XXYLT1: variants seen among roughly 807,000 people sequenced by gnomAD.
XXYLT1 encodes UDP-xylose:alpha-xyloside alpha-1,3-xylosyltransferase.
Under a neutral mutation model 28.9 loss-of-function variants are expected in XXYLT1, and 20 were observed. The observed-to-expected ratio is 0.69, with a 90% CI of 0.49 to 1.00. The LOEUF is 1.00. Among genes scored for constraint, XXYLT1 ranks in the 50% least tolerant of loss-of-function variants. XXYLT1 has a pLI of 0.00. For missense variants in XXYLT1, 542 were observed against 560.1 expected (o/e 0.97, Z 0.33); for synonymous variants, 257 against 253.8 (o/e 1.01, Z -0.12).
Position 195,168,157 on chromosome 3 carries a change from G to A in XXYLT1, c.653-11576C>T, listed in dbSNP as rs1423505528. Among the ~76,000 whole-genome samples, 7 of 152,212 alleles carry A rather than the reference G, an allele frequency of 4.6e-5. No homozygotes were observed. The highest frequency in any genetic ancestry group is 7.3e-5 in the Non-Finnish European group (5 of 68,030). On this transcript the variant is annotated intron_variant, in intron 2 of 3. Transcript: ENST00000310380. This position sits in a 1 kb window ranked among gnomAD's most constrained non-coding sequence, Gnocchi z 4.3. ...GCTATGGCACTGCGTCCAACCATGGGCAAGCCATCCCCAGCTGTCGCAGAC... is the reference window on the plus strand; with the variant it reads ...GCTATGGCACTGCGTCCAACCATGGACAAGCCATCCCCAGCTGTCGCAGAC...
chr3:195,192,301 A>T (rs57827131), intron 2 of XXYLT1, among the ~76,000 whole-genome samples: 14,142 of 151,964 alleles, frequency 0.093, 2,198 homozygotes, highest in African/African-American at 0.32. Flanking sequence ...GGCATGCACC[A>T]GTAGTCCCAG....
At chr3:195,190,646 C>T (rs1722384036) in intron 2 of XXYLT1, among the ~76,000 whole-genome samples, 2 of 151,680 alleles carry the variant, frequency 1.3e-5, no homozygotes, top group South Asian at 4.1e-4. Flanking sequence ...ATATTTTTCT[C>T]ATTTCTTAAC....
At chr3:195,236,939 A>C (rs764985599) in intron 1 of XXYLT1, among the ~76,000 whole-genome samples, 57 of 152,196 alleles carry the variant, frequency 3.7e-4, no homozygotes, top group South Asian at 1.2e-3. Flanking sequence ...CTGGTGCCTT[A>C]TCCTACCGTG....
At chr3:195,198,712 A>G (rs1009971365) in intron 2 of XXYLT1, among the ~76,000 whole-genome samples, 4 of 152,172 alleles carry the variant, frequency 2.6e-5, no homozygotes, top group African/African-American at 9.7e-5. Context: ...ATTATGCAAC[A>G]CACAACAAAA....
chr3:195,075,500 G>A (rs908663030), intron 3 of XXYLT1, among the ~76,000 whole-genome samples: 2 of 152,232 alleles, frequency 1.3e-5, no homozygotes, highest in Admixed American at 6.5e-5. Context: ...GCCCAGAAAA[G>A]GGAACTGCTG....
rs539908035 is a variant in XXYLT1 at position 195,254,716 on chromosome 3, C to T, written c.504+15839G>A. On this transcript the variant is annotated intron_variant, in intron 1 of 3. Coordinates refer to ENST00000310380, the MANE Select transcript of XXYLT1 (RefSeq NM_152531.5). ...CTGGGCACAGCCACCAAGGGTGGGA[C>T]ACAGACCTGCAGGGCCTTCACGGGG... is the stretch of plus-strand genomic sequence containing the variant. 7.9e-5 allele frequency among the ~76,000 whole-genome samples: 12 copies of T among 152,336 alleles called. No individual in the cohort carries two copies. The South Asian group carries it at 2.5e-3, about 32-fold the overall frequency.
chr3:195,237,298 C>G (rs1336243293), intron 1 of XXYLT1, among the ~76,000 whole-genome samples: 2 of 152,154 alleles, frequency 1.3e-5, no homozygotes, highest in East Asian at 1.9e-4. Flanking sequence ...GGTCTAAATG[C>G]TCCCTCCGTG....
rs749373375 is a variant in XXYLT1 at position 195,256,544 on chromosome 3, A to C, written c.504+14011T>G. 1.8e-5 allele frequency: 18 copies of C among 985,398 alleles called. No homozygotes were observed. The highest frequency in any genetic ancestry group is 2.2e-5 in the Non-Finnish European group (18 of 829,914). 61.0% of individuals were successfully genotyped at this position (985,398 alleles called of 1,614,324 possible). A position where few individuals can be genotyped will look rare whatever the true frequency, so the allele number is the denominator to read the frequency against. ...GGGATTATCCCAGAAAGAGGGGAAG[A>C]GCAGCCTCCTCACACCCCGCAACTT... On this transcript the variant is annotated intron_variant, in intron 1 of 3. Coordinates refer to ENST00000310380, the MANE Select transcript of XXYLT1 (RefSeq NM_152531.5). This position sits in a 1 kb window ranked among gnomAD's most constrained non-coding sequence, Gnocchi z 4.2.
intron 2 of XXYLT1, chr3:195,184,801 G>A: frequency 2.0e-6 from 2 of 985,282 alleles, no homozygotes; most frequent in Non-Finnish European, 2.4e-6. Flanking sequence ...CTTCAATTAG[G>A]AAAAAAATCT....
intron 3 of XXYLT1, among the ~76,000 whole-genome samples, chr3:195,131,350 C>A (rs1718901315): frequency 6.6e-6 from 1 of 152,242 alleles, no homozygotes; most frequent in African/African-American, 2.4e-5. Context: ...AGTCCTAGCT[C>A]CACATTCATC....
intron 1 of XXYLT1, among the ~76,000 whole-genome samples, chr3:195,250,966 C>T (rs1401066197): frequency 6.6e-6 from 1 of 152,248 alleles, no homozygotes; most frequent in Non-Finnish European, 1.5e-5. Context: ...CTCAAAGCAG[C>T]ACTCGTTTGC....
chr3:195,089,623 G>A (rs1159044372), intron 3 of XXYLT1, among the ~76,000 whole-genome samples: 1 of 151,706 alleles, frequency 6.6e-6, no homozygotes, highest in Non-Finnish European at 1.5e-5. Context: ...ATCAACTAAC[G>A]AGCACAATAA....
rs528407603 is a variant in XXYLT1, at chr3:195,259,785, G to A, written c.504+10770C>T. 210 of 550,746 alleles carry A rather than the reference G, an allele frequency of 3.8e-4. 1 individual carries two copies. Among genetic ancestry groups the A allele is most frequent in the Middle Eastern group, 1.8e-3 (2 of 1,098 alleles). The allele number at this position is 550,746 out of a possible 1,614,324, so 34.1% of individuals were successfully genotyped here. A position where few individuals can be genotyped will look rare whatever the true frequency, so the allele number is the denominator to read the frequency against. ...CCCACCGGCGCCAGGATACCGAGGGGCCACCCCCACCACGCGGCTCCAACA... is the reference window on the plus strand; with the variant it reads ...CCCACCGGCGCCAGGATACCGAGGGACCACCCCCACCACGCGGCTCCAACA... On this transcript the variant is annotated intron_variant, in intron 1 of 3. Transcript: ENST00000310380.
At chr3:195,149,250 G>T (rs756049316) in intron 3 of XXYLT1, among the ~76,000 whole-genome samples, 9 of 151,998 alleles carry the variant, frequency 5.9e-5, no homozygotes, top group Non-Finnish European at 1.2e-4. Flanking sequence ...GAAAATTTCT[G>T]GAAAAATAAT....
rs1318114768 is a variant in XXYLT1, at chr3:195,219,624, T to C, written c.652+7085A>G. On this transcript the variant is annotated intron_variant, in intron 2 of 3. Transcript: ENST00000310380. The stretch of plus-strand genomic sequence containing the variant: ...TCTTTCTCATGCAGGCCTGTGAACC[T>C]AGGCTAAGAAGCATCCAGTGTCAAC... 2.6e-5 allele frequency among the ~76,000 whole-genome samples: 4 copies of C among 152,196 alleles called. No individual in the cohort carries two copies. In the East Asian group the frequency reaches 7.7e-4, roughly 29 times the overall value.
intron 1 of XXYLT1, among the ~76,000 whole-genome samples, chr3:195,268,581 A>T (rs1178714394): frequency 6.9e-6 from 1 of 145,354 alleles, no homozygotes; most frequent in African/African-American, 2.6e-5. Context: ...CTAGGCAACA[A>T]GAGCGAAACT....
intron 3 of XXYLT1, chr3:195,094,601 C>T (rs1379229661): frequency 7.8e-5 from 12 of 153,900 alleles, no homozygotes. Flanking sequence ...GCGGGGATTC[C>T]CAGACGCACG....
At chr3:195,136,765 G>T (rs373774269) in intron 3 of XXYLT1, among the ~76,000 whole-genome samples, 5 of 152,186 alleles carry the variant, frequency 3.3e-5, no homozygotes, top group Non-Finnish European at 2.9e-5. Context: ...GAGCTGCCAG[G>T]AAGGCCACTG....
intron 1 of XXYLT1, among the ~76,000 whole-genome samples, chr3:195,228,567 C>T (rs1724160563): frequency 6.8e-6 from 1 of 147,790 alleles, no homozygotes. Flanking sequence ...TCTGGGCTCA[C>T]TGACACCGCC....
Sources: gnomAD v4.1 joint callset for allele counts (sites outside exome capture counted in the v4.1 genomes callset) on GRCh38, gnomAD v4.1.1 for gene constraint, Gnocchi (gnomAD v3.1) non-coding constraint, MANE v1.5 for transcripts, NCBI Gene and HGNC (gene_info 2026-07-23, HGNC 2026-07-21) for gene names.